Variants in FOXP2 observed in about 807,000 individuals in gnomAD.
The protein encoded by FOXP2 is forkhead box protein P2.
In FOXP2, 12 loss-of-function variants were observed where a neutral mutation model predicts 115.8. The ratio of observed to expected loss-of-function variants is 0.10; its 90% CI spans 0.07 to 0.17. FOXP2 has a LOEUF of 0.17. Ranked by LOEUF, FOXP2 falls within the 10% of genes least tolerant of loss-of-function variation. The pLI, the probability that FOXP2 is intolerant of heterozygous loss-of-function variation, is 1.00. For synonymous variants in FOXP2, 328 were observed against 297.7 expected (o/e 1.10, Z -1.05); for missense variants, 629 against 843.5 (o/e 0.75, Z 3.15).
intron 2 of FOXP2, among the ~76,000 whole-genome samples, chr7:114,532,211 A>AT (rs1242052079): frequency 3.3e-5 from 5 of 151,942 alleles, no homozygotes; most frequent in Non-Finnish European, 1.5e-5. Context: ...TAAGGGAGGT[A>AT]TTAATATAAA....
chr7:114,393,962 GCA>G (rs1792671860), intron 2 of FOXP2, among the ~76,000 whole-genome samples: 1 of 141,012 alleles, frequency 7.1e-6, no homozygotes. Flanking sequence ...GTGTCAGTGT[GCA>G]TGTGTGTGTG....
intron 3 of FOXP2, among the ~76,000 whole-genome samples, chr7:114,605,076 C>G (rs377289565): frequency 6.6e-6 from 1 of 152,006 alleles, no homozygotes; most frequent in Non-Finnish European, 1.5e-5. Flanking sequence ...ATTAACAAAC[C>G]CACAGTATGG....
At position 114,099,230 on chromosome 7, in the gene FOXP2, C is replaced by G. The variant is rs189387164; in HGVS notation, c.-247+11392C>G. ...AATAACAAGACCCGAATAGACATTT[C>G]TCCAAAGAAGACAAAGAAATGGCCA... On this transcript the variant is annotated intron_variant, in intron 1 of 19. Coordinates refer to the FOXP2 transcript ENST00000635638. Among the ~76,000 whole-genome samples the G allele has an allele frequency of 2.0e-5, 3 of 152,216 alleles. No individual in the cohort carries two copies. In the East Asian group the frequency reaches 5.8e-4, roughly 29 times the overall value.
intron 1 of FOXP2, among the ~76,000 whole-genome samples, chr7:114,122,414 C>CT (rs954877095): frequency 3.8e-3 from 505 of 134,616 alleles, no homozygotes; most frequent in Admixed American, 4.7e-3. Context: ...TTTTTTTTTC[C>CT]TTTTTTTTTT....
chr7:114,188,495 A>T (rs1793670864), intron 1 of FOXP2, among the ~76,000 whole-genome samples: 1 of 152,168 alleles, frequency 6.6e-6, no homozygotes, highest in South Asian at 2.1e-4. Flanking sequence ...GCTTTTGCTG[A>T]CCACCCTACT....
At chr7:114,365,171 CT>C (rs1489941968) in intron 2 of FOXP2, among the ~76,000 whole-genome samples, 1 of 152,090 alleles carries the variant, frequency 6.6e-6, no homozygotes, top group Admixed American at 6.6e-5. Context: ...CAAACCAAGT[CT>C]AACTTTTCCT....
At chr7:114,135,391 C>T (rs1376349195) in intron 1 of FOXP2, among the ~76,000 whole-genome samples, 1 of 152,004 alleles carries the variant, frequency 6.6e-6, no homozygotes, top group Non-Finnish European at 1.5e-5. Flanking sequence ...GAATAACAAA[C>T]TAAAGGTGCT....
At chr7:114,305,720 A>T (rs1306618494) in intron 2 of FOXP2, among the ~76,000 whole-genome samples, 1 of 152,160 alleles carries the variant, frequency 6.6e-6, no homozygotes, top group Non-Finnish European at 1.5e-5. Flanking sequence ...TATCATTGAA[A>T]TGCAGTTAAT....
rs141897914 is a variant in FOXP2, at chr7:114,428,771, G to A, written c.168+2092G>A. ...AACATATCTTTTCTATAAAATTGAT[G>A]CAGTTATTGCCTTTAATTCTAACAT... is the stretch of plus-strand genomic sequence containing the variant. On this transcript the variant is annotated intron_variant, in intron 2 of 16. Transcript: ENST00000350908. Among the ~76,000 whole-genome samples the A allele has an allele frequency of 6.4e-3, 964 of 151,458 alleles. 10 individuals are homozygous for A. The highest frequency in any genetic ancestry group is 0.022 in the African/African-American group (916 of 41,434).
At chr7:114,190,355 A>C (rs940111578) in intron 1 of FOXP2, among the ~76,000 whole-genome samples, 3 of 152,210 alleles carry the variant, frequency 2.0e-5, no homozygotes, top group Non-Finnish European at 4.4e-5. Flanking sequence ...AATAGAACAG[A>C]AAGGCCAAGG....
At chr7:114,683,426 T>C (rs1217303114) in intron 16 of FOXP2, among the ~76,000 whole-genome samples, 1 of 152,178 alleles carries the variant, frequency 6.6e-6, no homozygotes, top group Non-Finnish European at 1.5e-5. Flanking sequence ...TGTTTGTCTT[T>C]GCTGTGCCTG....
intron 2 of FOXP2, among the ~76,000 whole-genome samples, chr7:114,451,992 T>C (rs1298296854): frequency 6.6e-6 from 1 of 152,002 alleles, no homozygotes; most frequent in Admixed American, 6.6e-5. Context: ...AAGCTGAAAT[T>C]GGAATTCCTT....
At chr7:114,501,454 T>C (rs956950862) in intron 2 of FOXP2, among the ~76,000 whole-genome samples, 11 of 152,100 alleles carry the variant, frequency 7.2e-5, no homozygotes, top group Non-Finnish European at 1.3e-4. Context: ...CTTGAATAAA[T>C]TACATGAAAA....
At chr7:114,111,666 T>G (rs1356750612) in intron 1 of FOXP2, among the ~76,000 whole-genome samples, 3 of 152,106 alleles carry the variant, frequency 2.0e-5, no homozygotes, top group African/African-American at 7.2e-5. Context: ...ACAGATAATT[T>G]AATAGTAATT....
chr7:114,282,225 A>G (rs1416358464), intron 1 of FOXP2, among the ~76,000 whole-genome samples: 1 of 152,194 alleles, frequency 6.6e-6, no homozygotes, highest in African/African-American at 2.4e-5. Context: ...CATCATATGC[A>G]GTCTTCACTA....
Position 114,628,654 on chromosome 7 carries a change from C to A in FOXP2, c.373C>A (p.Gln125Lys). 6.2e-7 allele frequency: 1 copy of A among 1,614,102 alleles called. No homozygotes were observed. The change falls in exon 4 of 17, where the codon CAG becomes AAG. Residue 125 changes from glutamine to lysine, a missense_variant. This residue lies in a region of FOXP2 where 138 missense variants were observed against 205.1 expected (regional missense o/e 0.67). Coordinates refer to ENST00000350908, the MANE Select transcript of FOXP2 (RefSeq NM_014491.4). ...GCAGCTACAAGCCCTTCTCCAACAA[C>A]AGCAGGCTGTCATGCTGCAGCAGGT... ...PQQLQALLQQ[Q>K]QAVMLQQQQL...
intron 2 of FOXP2, among the ~76,000 whole-genome samples, chr7:114,454,293 G>T (rs1186886774): frequency 6.6e-6 from 1 of 152,122 alleles, no homozygotes; most frequent in African/African-American, 2.4e-5. Flanking sequence ...GGCCATCAGA[G>T]AAATGCAAAT....
chr7:114,637,442 AAAAGTTGTC>A, intron 6 of FOXP2, among the ~76,000 whole-genome samples: 1 of 152,304 alleles, frequency 6.6e-6, no homozygotes, highest in South Asian at 2.1e-4. Context: ...CACTTAAGAT[AAAAGTTGTC>A]TATTAATCAT....
chr7:114,165,722 C>T (rs752314832), intron 1 of FOXP2, among the ~76,000 whole-genome samples: 2 of 152,116 alleles, frequency 1.3e-5, no homozygotes, highest in Non-Finnish European at 2.9e-5. Context: ...AACACAATCC[C>T]AGTCAAAATC....
Sources: allele counts gnomAD v4.1 joint callset (sites outside exome capture counted in the v4.1 genomes callset), GRCh38; gene constraint gnomAD v4.1.1; regional missense constraint gnomAD v4.1.1; transcripts MANE v1.5; gene names NCBI Gene and HGNC (gene_info 2026-07-23, HGNC 2026-07-21).